The following KCTD8 variants were observed in gnomAD, a reference collection of about 807,000 sequenced individuals.
The protein encoded by KCTD8 is potassium channel tetramerization domain containing 8.
In KCTD8, 27 loss-of-function variants were observed where a neutral mutation model predicts 31.5. The ratio of observed to expected loss-of-function variants is 0.86; its 90% CI spans 0.63 to 1.18. KCTD8 has a LOEUF of 1.18. KCTD8 is among the 50% of genes most tolerant of loss of function. KCTD8 has a pLI of 0.00. For synonymous variants in KCTD8, 290 were observed against 280.0 expected, an observed-to-expected ratio of 1.04 and a Z score of -0.36; for missense variants, 658 against 647.7, an observed-to-expected ratio of 1.02 and a Z score of -0.17.
chr4:44,281,979 A>G (rs2109379201), intron 1 of KCTD8, among the ~76,000 whole-genome samples: 1 of 152,276 alleles, frequency 6.6e-6, no homozygotes, highest in African/African-American at 2.4e-5. Context: ...TATCCTGTTA[A>G]TAAATATTCT....
chr4:44,411,857 G>A (rs1032060608), intron 1 of KCTD8, among the ~76,000 whole-genome samples: 2 of 152,042 alleles, frequency 1.3e-5, no homozygotes, highest in Non-Finnish European at 2.9e-5. Context: ...GGCATGGAAG[G>A]ATTCTATTCA....
At chr4:44,357,946 A>T (rs1458275143) in intron 1 of KCTD8, among the ~76,000 whole-genome samples, 3 of 151,908 alleles carry the variant, frequency 2.0e-5, no homozygotes, top group Admixed American at 2.0e-4. Flanking sequence ...AAGTGCAGAA[A>T]GTTCAGATTT....
chr4:44,335,278 C>T (rs1271445602), intron 1 of KCTD8, among the ~76,000 whole-genome samples: 2 of 151,540 alleles, frequency 1.3e-5, no homozygotes, highest in Admixed American at 1.3e-4. Context: ...AGACTATTAG[C>T]CACGGGAGAT....
chr4:44,427,359 G>A (rs1270582649), intron 1 of KCTD8, among the ~76,000 whole-genome samples: 1 of 150,932 alleles, frequency 6.6e-6, no homozygotes, highest in Non-Finnish European at 1.5e-5. Context: ...TATGCTTTGG[G>A]TATTACTATA....
At chr4:44,435,144 C>G (rs1348167962) in intron 1 of KCTD8, among the ~76,000 whole-genome samples, 1 of 151,920 alleles carries the variant, frequency 6.6e-6, no homozygotes, top group African/African-American at 2.4e-5. Context: ...AATTTATGGG[C>G]TCTTTTCACT....
chr4:44,316,451 T>G (rs1169966649), intron 1 of KCTD8, among the ~76,000 whole-genome samples: 1 of 152,126 alleles, frequency 6.6e-6, no homozygotes. Flanking sequence ...CTCTTGATGA[T>G]GTTGTCTTCA....
intron 1 of KCTD8, among the ~76,000 whole-genome samples, chr4:44,182,128 T>C (rs972549413): frequency 9.0e-5 from 13 of 144,466 alleles, no homozygotes; most frequent in Admixed American, 2.7e-4. Context: ...AGGTGGGGGG[T>C]CAGCCCCCGC....
chr4:44,366,402 A>T (rs1326703291), intron 1 of KCTD8, among the ~76,000 whole-genome samples: 1 of 152,122 alleles, frequency 6.6e-6, no homozygotes, highest in African/African-American at 2.4e-5. Flanking sequence ...CTGATACTTT[A>T]AAAGTGTATG....
chr4:44,284,674 G>C (rs139350875), intron 1 of KCTD8, among the ~76,000 whole-genome samples: 11,452 of 152,236 alleles, frequency 0.075, 584 homozygotes, highest in Non-Finnish European at 0.11. Context: ...TATCATCAGA[G>C]TGAACAGGCA....
intron 1 of KCTD8, among the ~76,000 whole-genome samples, chr4:44,266,856 T>C (rs988671948): frequency 2.0e-5 from 3 of 151,962 alleles, no homozygotes; most frequent in Admixed American, 2.0e-4. Context: ...ATCCTAAATA[T>C]ATAGGCACCC....
chr4:44,294,621 G>A (rs1248106005), intron 1 of KCTD8, among the ~76,000 whole-genome samples: 1 of 152,096 alleles, frequency 6.6e-6, no homozygotes, highest in Non-Finnish European at 1.5e-5. Flanking sequence ...ATGATAGCTT[G>A]TCCCCTAAGG....
chr4:44,300,138 G>T (rs572279372), intron 1 of KCTD8, among the ~76,000 whole-genome samples: 4 of 152,206 alleles, frequency 2.6e-5, no homozygotes, highest in African/African-American at 9.6e-5. Flanking sequence ...ACCTACAGAG[G>T]TGTAGAATAA....
At chr4:44,203,301 G>C (rs1194553822) in intron 1 of KCTD8, among the ~76,000 whole-genome samples, 1 of 151,978 alleles carries the variant, frequency 6.6e-6, no homozygotes, top group Admixed American at 6.6e-5. Flanking sequence ...TCAGGAGTTC[G>C]AGACCAGCTT....
At chr4:44,343,394 C>T (rs990607141) in intron 1 of KCTD8, among the ~76,000 whole-genome samples, 3 of 152,132 alleles carry the variant, frequency 2.0e-5, no homozygotes, top group African/African-American at 7.2e-5. Context: ...GGGCACAGCT[C>T]ATGGTGCCCC....
chr4:44,272,121 T>TATATATATATATATATA (rs1716629513), intron 1 of KCTD8, among the ~76,000 whole-genome samples: 1 of 142,524 alleles, frequency 7.0e-6, no homozygotes, highest in African/African-American at 2.7e-5. Flanking sequence ...TGGTATTATA[T>TATATATATATATATATA]TATATATATA....
At chr4:44,262,226 G>A (rs1032642904) in intron 1 of KCTD8, among the ~76,000 whole-genome samples, 5 of 152,158 alleles carry the variant, frequency 3.3e-5, no homozygotes, top group Non-Finnish European at 7.4e-5. Context: ...TCAGTAGAGG[G>A]ATGGGGAAGG....
intron 1 of KCTD8, among the ~76,000 whole-genome samples, chr4:44,373,452 C>G (rs1035575103): frequency 1.3e-5 from 2 of 152,084 alleles, no homozygotes. Flanking sequence ...CTCACTCACT[C>G]TATGATTCTC....
chr4:44,425,481 A>AT (rs1305262286), intron 1 of KCTD8, among the ~76,000 whole-genome samples: 1 of 152,032 alleles, frequency 6.6e-6, no homozygotes, highest in Non-Finnish European at 1.5e-5. Context: ...GAAACAAAAT[A>AT]TTTTTTACCA....
rs201752600 is a variant in KCTD8 at position 44,448,326 on chromosome 4, C to T, written c.198G>A (p.Pro66=). 78 of 1,599,838 alleles carry T rather than the reference C, an allele frequency of 4.9e-5. No individual in the cohort carries two copies. In the East Asian group the frequency reaches 1.6e-3, roughly 33 times the overall value. ...VTKHSTLLSV[P]DSTLASMFSP... is the part of the protein sequence containing the mutation. ...AGAACATGCTGGCCAAAGTACTGTC[C>T]GGGACGCTGAGCAGCGTCGAGTGCT... The change falls in exon 1 of 2, where the codon CCG becomes CCA. Residue 66 remains proline (P), a synonymous_variant. Transcript: ENST00000360029. This position sits in a 1 kb window ranked among gnomAD's most constrained non-coding sequence, Gnocchi z 4.1.
Sources: gnomAD v4.1 joint callset for allele counts (sites outside exome capture counted in the v4.1 genomes callset) on GRCh38, gnomAD v4.1.1 for gene constraint, Gnocchi (gnomAD v3.1) non-coding constraint, MANE v1.5 for transcripts, NCBI Gene and HGNC (gene_info 2026-07-23, HGNC 2026-07-21) for gene names.